ADGRV1: variants seen among roughly 807,000 people sequenced by gnomAD.
ADGRV1 encodes G-protein coupled receptor 98.
ADGRV1 carries 359 observed loss-of-function variants against 596.2 expected under a neutral mutation model. That is an observed-to-expected ratio of 0.60 (90% CI 0.55 to 0.66). The LOEUF is 0.66. ADGRV1 is among the 30% of genes least tolerant of loss of function. The pLI is 0.00. For missense variants in ADGRV1, 7,274 were observed against 7,575.6 expected, an observed-to-expected ratio of 0.96 and a Z score of 1.48; for synonymous variants, 2,681 against 2,679.2, an observed-to-expected ratio of 1.00 and a Z score of -0.02.
Position 90,888,861 on chromosome 5 carries a change from C to T in ADGRV1, c.17856+25004C>T, listed in dbSNP as rs533711570. On this transcript the variant is annotated intron_variant, in intron 83 of 89. Coordinates refer to ENST00000405460, the MANE Select transcript of ADGRV1 (RefSeq NM_032119.4). ...TTTCACTGTATTTTTACTATTCCTG[C>T]AAAACAGACTCTAGTGAAATATAGG... Among the ~76,000 whole-genome samples the T allele has an allele frequency of 9.2e-5, 14 of 152,176 alleles. No individual in the cohort carries two copies. In the South Asian group the frequency reaches 2.9e-3, roughly 32 times the overall value.
At chr5:90,647,251 A>G (rs140369480) in intron 16 of ADGRV1, among the ~76,000 whole-genome samples, 36 of 152,324 alleles carry the variant, frequency 2.4e-4, no homozygotes, top group Middle Eastern at 3.4e-3. Flanking sequence ...TTGAAATAGC[A>G]TGCAATTTGC....
intron 85 of ADGRV1, among the ~76,000 whole-genome samples, chr5:91,007,745 A>G (rs986868409): frequency 3.3e-5 from 5 of 152,194 alleles, no homozygotes; most frequent in African/African-American, 1.2e-4. Context: ...AAGAAATCAA[A>G]GAAACTCCAT....
intron 1 of ADGRV1, among the ~76,000 whole-genome samples, chr5:90,605,556 T>C (rs1343863101): frequency 1.3e-5 from 2 of 151,718 alleles, no homozygotes; most frequent in African/African-American, 4.9e-5. Flanking sequence ...GAAATGGCCA[T>C]TGTAGAATCA....
chr5:90,672,612 C>A lies in ADGRV1; in HGVS notation c.4819C>A (p.His1607Asn). The A allele has an allele frequency of 1.2e-6, 2 of 1,613,566 alleles. No individual in the cohort carries two copies. The highest frequency in any genetic ancestry group is 2.2e-5 in the South Asian group (2 of 91,058). ...AACCAGAGGAGCTCTGGATTATGTG[C>A]ATGTTTTTTACACCATTTCACAGAT... ...ERTRGALDYV[H>N]VFYTISQIET... Residue 1607 changes from histidine (H) to asparagine (N), a missense_variant, in exon 22 of 90, where the codon CAT (histidine) becomes AAT (asparagine). His to Asn is a moderately conservative substitution (Grantham distance 68). Around this residue, in one of 5 missense-constraint regions of ADGRV1, gnomAD observed 3,643 missense variants for 3,809.2 expected, o/e 0.96. Transcript: ENST00000405460.
chr5:91,157,067 G>C (rs1479912414), intron 89 of ADGRV1, among the ~76,000 whole-genome samples: 1 of 152,176 alleles, frequency 6.6e-6, no homozygotes, highest in African/African-American at 2.4e-5. Context: ...CTCTTCCACT[G>C]TCTAGTGCCT....
intron 4 of ADGRV1, among the ~76,000 whole-genome samples, chr5:90,620,102 T>C (rs1763866458): frequency 6.6e-6 from 1 of 152,036 alleles, no homozygotes; most frequent in South Asian, 2.1e-4. Context: ...TTATAATCCT[T>C]TGGGTATATA....
In ADGRV1 at chr5:90,635,166, C is replaced by G; in HGVS notation, c.1892C>G (p.Pro631Arg). Residue 631 changes from proline to arginine, a missense_variant, in exon 10 of 90, where the codon CCT becomes CGT. Physicochemically the swap from Pro to Arg is moderately radical, Grantham distance 103. Transcript: ENST00000405460. ...NIIPLIPPISPRFGEICNISL... is the reference protein window; with the variant it reads ...NIIPLIPPISRRFGEICNISL... ...ATTCCTCTAATCCCACCCATAAGCC[C>G]TAGATTTGGGGAAATCTGCAATATT... 1.2e-6 allele frequency: 2 copies of G among 1,610,302 alleles called. No individual in the cohort carries two copies. The highest frequency in any genetic ancestry group is 8.5e-7 in the Non-Finnish European group (1 of 1,176,708).
At chr5:91,030,322 A>G (rs992577226) in intron 85 of ADGRV1, among the ~76,000 whole-genome samples, 1 of 152,170 alleles carries the variant, frequency 6.6e-6, no homozygotes. Context: ...AAGCAGGTTT[A>G]TAATGATTCT....
Position 90,643,018 on chromosome 5 carries a change from G to A in ADGRV1, c.2530G>A (p.Ala844Thr). The change falls in exon 13 of 90, where the codon GCA becomes ACA. Residue 844 changes from alanine (A) to threonine (T), a missense_variant. Ala to Thr is a moderately conservative substitution (Grantham distance 58). Transcript: ENST00000405460. Reference sequence around the variant, plus strand: ...AAGGGAGATAGTGATCACCTTGCTAGCAAGATTGGATGGGATACCAGAGGT... The same window carrying A: ...AAGGGAGATAGTGATCACCTTGCTAACAAGATTGGATGGGATACCAGAGGT... ...GEREIVITLL[A>T]RLDGIPELDE... 1 of 1,613,372 alleles carries A rather than the reference G, an allele frequency of 6.2e-7. No homozygotes were observed. Among genetic ancestry groups the A allele is most frequent in the Non-Finnish European group, 8.5e-7 (1 of 1,179,382 alleles).
At position 90,690,952 on chromosome 5, in the gene ADGRV1, G is replaced by A; in HGVS notation, c.6862G>A (p.Val2288Ile). Residue 2288 changes from valine (V) to isoleucine (I), a missense_variant, in exon 31 of 90, where the codon GTC (valine) becomes ATC (isoleucine). By Grantham distance (29) the Val-to-Ile change is conservative. Around this residue, in one of 5 missense-constraint regions of ADGRV1, gnomAD observed 3,643 missense variants for 3,809.2 expected, o/e 0.96. Transcript: ENST00000405460. ...GCTTGCTACTGGCGACCTGCGAGTT[G>A]TCTCAGGTAATGTGACCTTTGCCCC... ...GQLATGDLRV[V>I]SGNVTFAPGE... 6.2e-7 allele frequency: 1 copy of A among 1,613,862 alleles called. No individual in the cohort carries two copies. The highest frequency in any genetic ancestry group is 8.5e-7 in the Non-Finnish European group (1 of 1,179,808).
chr5:90,958,283 C>CAAAAAAAAAAAAAAAAAA (rs34676985), intron 83 of ADGRV1, among the ~76,000 whole-genome samples: 11 of 72,814 alleles, frequency 1.5e-4, no homozygotes, highest in South Asian at 5.0e-4. Flanking sequence ...GACCTTGTCT[C>CAAAAAAAAAAAAAAAAAA]AAAAAAAAAA....
intron 50 of ADGRV1, among the ~76,000 whole-genome samples, chr5:90,732,790 G>A (rs529154408): frequency 4.3e-4 from 66 of 152,180 alleles, no homozygotes; most frequent in Admixed American, 8.5e-4. Flanking sequence ...GCTAAGTTCT[G>A]TACACTCATG....
At chr5:90,875,798 C>T (rs62374006) in intron 83 of ADGRV1, among the ~76,000 whole-genome samples, 16,957 of 152,030 alleles carry the variant, frequency 0.11, 1,625 homozygotes, top group African/African-American at 0.25. Context: ...AAAAGTTTTC[C>T]TAAGTAATGT....
chr5:90,685,254 A>C (rs1045198589), intron 28 of ADGRV1, among the ~76,000 whole-genome samples: 1 of 152,202 alleles, frequency 6.6e-6, no homozygotes, highest in African/African-American at 2.4e-5. Flanking sequence ...ATGCTGGTGC[A>C]TATTAAACAA....
intron 59 of ADGRV1, among the ~76,000 whole-genome samples, chr5:90,769,488 C>T (rs950785232): frequency 6.6e-6 from 1 of 152,126 alleles, no homozygotes; most frequent in Non-Finnish European, 1.5e-5. Context: ...ATACAGAGAA[C>T]AACTATGCCA....
intron 52 of ADGRV1, 115 bp downstream of exon 52, chr5:90,745,910 C>T (rs1754575855): frequency 1.6e-6 from 1 of 635,972 alleles, no homozygotes; most frequent in Admixed American, 2.8e-5. Context: ...CAGCCTCTCT[C>T]CCTTCCCTTT....
chr5:90,963,392 A>C (rs976507364), intron 83 of ADGRV1, among the ~76,000 whole-genome samples: 2 of 152,140 alleles, frequency 1.3e-5, no homozygotes, highest in African/African-American at 2.4e-5. Context: ...AAATTAGACA[A>C]AAAAGTCAAG....
At chr5:90,985,638 G>C in intron 85 of ADGRV1, 116 bp downstream of exon 85, 1 of 711,572 alleles carries the variant, frequency 1.4e-6, no homozygotes, top group Admixed American at 2.6e-5. Context: ...CTGCCACAGT[G>C]TCTGAAGCTC....
At chr5:90,706,432 A>G in intron 38 of ADGRV1, 38 bp downstream of exon 38, 2 of 1,472,840 alleles carry the variant, frequency 1.4e-6, no homozygotes, top group Non-Finnish European at 1.8e-6. Context: ...AGGGGGAGAT[A>G]GTTTAATAAG....
Sources: allele counts gnomAD v4.1 joint callset (sites outside exome capture counted in the v4.1 genomes callset), GRCh38; gene constraint gnomAD v4.1.1; regional missense constraint gnomAD v4.1.1; transcripts MANE v1.5; gene names NCBI Gene and HGNC (gene_info 2026-07-23, HGNC 2026-07-21).